The following TLE4 variants were observed in gnomAD, a reference collection of about 807,000 sequenced individuals.
TLE4 encodes TLE family member 4, transcriptional corepressor.
TLE4 carries 8 observed loss-of-function variants against 92.8 expected under a neutral mutation model. That is an observed-to-expected ratio of 0.09 (90% confidence interval 0.05 to 0.16). The LOEUF (loss-of-function observed/expected upper bound fraction) is 0.16. TLE4 is among the 10% of genes least tolerant of loss of function. The pLI is 1.00. For missense variants in TLE4, 675 were observed against 997.6 expected, an observed-to-expected ratio of 0.68 and a Z score of 4.36; for synonymous variants, 371 against 374.1, an observed-to-expected ratio of 0.99 and a Z score of 0.10.
At chr9:79,675,180 C>G (rs2063066771) in intron 8 of TLE4, among the ~76,000 whole-genome samples, 1 of 152,176 alleles carries the variant, frequency 6.6e-6, no homozygotes, top group African/African-American at 2.4e-5. Context: ...TGTTTTGGCT[C>G]TTGTTTCCTA....
At chr9:79,625,014 CTTTTTTTTTTTTTTT>C (rs34968887) in intron 5 of TLE4, among the ~76,000 whole-genome samples, 2 of 79,948 alleles carry the variant, frequency 2.5e-5, no homozygotes, top group Admixed American at 3.7e-4. Flanking sequence ...TATTTCTTTT[CTTTTTTTTTTTTTTT>C]TTTTTTTTGA....
At chr9:79,598,924 A>G (rs1221287961) in intron 4 of TLE4, among the ~76,000 whole-genome samples, 1 of 152,224 alleles carries the variant, frequency 6.6e-6, no homozygotes, top group Non-Finnish European at 1.5e-5. Flanking sequence ...AGTTTAGAGT[A>G]GGAGCCAGTA....
intron 8 of TLE4, among the ~76,000 whole-genome samples, chr9:79,687,778 T>G (rs1234769679): frequency 6.6e-6 from 1 of 152,238 alleles, no homozygotes; most frequent in African/African-American, 2.4e-5. Context: ...GAGGCCTGTC[T>G]TCAACTATCA....
chr9:79,671,962 G>A (rs929143528), intron 8 of TLE4, among the ~76,000 whole-genome samples: 1 of 142,192 alleles, frequency 7.0e-6, no homozygotes, highest in South Asian at 2.2e-4. Context: ...GATTTTATAC[G>A]GCCTATGCTT....
Position 79,705,957 on chromosome 9 carries a change from A to G in TLE4, c.783+15A>G. 6.2e-7 allele frequency: 1 copy of G among 1,613,946 alleles called. No individual in the cohort carries two copies. The highest frequency in any genetic ancestry group is 8.5e-7 in the Non-Finnish European group (1 of 1,179,814). On this transcript the variant is annotated intron_variant, in intron 10 of 19. Transcript: ENST00000376552. ...TTTCCAATGAGGTATGTTTGTGGCT[A>G]CTTTAATTTTTTGCACTTGCCCAGC...
At chr9:79,590,113 G>T (rs974739744) in intron 4 of TLE4, among the ~76,000 whole-genome samples, 1 of 152,108 alleles carries the variant, frequency 6.6e-6, no homozygotes, top group Admixed American at 6.5e-5. Context: ...ATTTTGCGGG[G>T]GACAGAGAAC....
chr9:79,662,986 C>G (rs1039266874), intron 8 of TLE4, among the ~76,000 whole-genome samples: 3 of 151,504 alleles, frequency 2.0e-5, no homozygotes, highest in African/African-American at 4.8e-5. Flanking sequence ...TTTAGATTAA[C>G]ACTTGATCTG....
chr9:79,713,416 G>A (rs1442906538), intron 14 of TLE4, among the ~76,000 whole-genome samples: 1 of 152,196 alleles, frequency 6.6e-6, no homozygotes, highest in Non-Finnish European at 1.5e-5. Context: ...TCATCGCCAT[G>A]TTTGTTGGAG....
intron 8 of TLE4, among the ~76,000 whole-genome samples, chr9:79,684,468 GCAATGCAGGGATCTATTGTGAACTGT>G (rs2065378794): frequency 2.6e-5 from 1 of 39,194 alleles, no homozygotes; most frequent in South Asian, 2.2e-3. Context: ...TGTGAACTGT[GCAATGCAGGGATCTATTGTGAACTGT>G]GCAATGCAGG....
chr9:79,582,112 C>G (rs1289416220), intron 4 of TLE4, among the ~76,000 whole-genome samples: 1 of 152,082 alleles, frequency 6.6e-6, no homozygotes, highest in East Asian at 1.9e-4. Context: ...TAATCACCAT[C>G]TTGTGGGCTT....
chr9:79,624,717 C>G (rs984942426), intron 5 of TLE4, among the ~76,000 whole-genome samples: 1 of 152,224 alleles, frequency 6.6e-6, no homozygotes, highest in Admixed American at 6.5e-5. Flanking sequence ...CCTAAGGCAT[C>G]TTTGCCCATT....
chr9:79,613,890 A>C (rs1382485281), intron 5 of TLE4, among the ~76,000 whole-genome samples: 2 of 152,120 alleles, frequency 1.3e-5, no homozygotes, highest in African/African-American at 4.8e-5. Flanking sequence ...CATATTCACA[A>C]ATCTTGTTGA....
At chr9:79,586,833 C>T (rs928516123) in intron 4 of TLE4, among the ~76,000 whole-genome samples, 20 of 152,068 alleles carry the variant, frequency 1.3e-4, no homozygotes, top group African/African-American at 4.1e-4. Context: ...TTTAAGAGTA[C>T]ATAGTAGGTG....
At chr9:79,582,976 G>A (rs1158004090) in intron 4 of TLE4, among the ~76,000 whole-genome samples, 2 of 152,134 alleles carry the variant, frequency 1.3e-5, no homozygotes, top group African/African-American at 4.8e-5. Context: ...TAAGTATACT[G>A]CGAACAGTTT....
rs764152043 is a variant in TLE4 at position 79,718,990 on chromosome 9, A to G, written c.1590+19A>G. The G allele has an allele frequency of 6.3e-7, 1 of 1,595,964 alleles. No homozygotes were observed. Among genetic ancestry groups the G allele is most frequent in the Non-Finnish European group, 8.6e-7 (1 of 1,167,548 alleles). On this transcript the variant is annotated intron_variant, in intron 15 of 19. Transcript: ENST00000376552. ...CTGTCTGGTGAGTGAACATGGATGA[A>G]CAAGACTTAGACTTTCATTCAGAAA... is the stretch of plus-strand genomic sequence containing the variant.
At chr9:79,612,792 C>G (rs931287378) in intron 5 of TLE4, 74 bp downstream of exon 5, 2 of 1,257,354 alleles carry the variant, frequency 1.6e-6, no homozygotes, top group African/African-American at 3.0e-5. Context: ...GATTGTAGAA[C>G]TGACTCTCTG....
chr9:79,586,426 A>G (rs2041124370), intron 4 of TLE4, among the ~76,000 whole-genome samples: 1 of 152,194 alleles, frequency 6.6e-6, no homozygotes, highest in South Asian at 2.1e-4. Context: ...AAGTGATCCA[A>G]TAATTTTCTT....
chr9:79,674,859 A>G (rs2063008699), intron 8 of TLE4, among the ~76,000 whole-genome samples: 2 of 152,298 alleles, frequency 1.3e-5, no homozygotes, highest in South Asian at 4.1e-4. Context: ...CCAGTTCAGA[A>G]TCTGCTATCT....
intron 6 of TLE4, among the ~76,000 whole-genome samples, chr9:79,645,022 G>A (rs1303163304): frequency 6.6e-6 from 1 of 151,998 alleles, no homozygotes; most frequent in African/African-American, 2.4e-5. Context: ...ATTTTCTTGG[G>A]GTACCAAAAA....
Sources: gnomAD v4.1 joint callset for allele counts (sites outside exome capture counted in the v4.1 genomes callset) on GRCh38, gnomAD v4.1.1 for gene constraint, MANE v1.5 for transcripts, NCBI Gene and HGNC (gene_info 2026-07-23, HGNC 2026-07-21) for gene names.